ZNF518A: variants seen among roughly 807,000 people sequenced by gnomAD.
ZNF518A encodes the protein zinc finger protein 518.
Under a neutral mutation model 102.7 loss-of-function variants are expected in ZNF518A, and 47 were observed. The observed-to-expected ratio is 0.46, with a 90% CI of 0.36 to 0.58. The LOEUF is 0.58. Among genes scored for constraint, ZNF518A ranks in the 20% least tolerant of loss-of-function variants. The pLI, the probability that ZNF518A is intolerant of heterozygous loss-of-function variation, is 0.00. For missense variants in ZNF518A, 1,793 were observed against 1,699.8 expected (o/e 1.05, Z -0.96); for synonymous variants, 652 against 594.6 (o/e 1.10, Z -1.40).
At chr10:96,178,326 G>A (rs1488108983) in intron 1 of ZNF518A, among the ~76,000 whole-genome samples, 2 of 152,030 alleles carry the variant, frequency 1.3e-5, no homozygotes, top group African/African-American at 4.8e-5. Context: ...TGAATACATG[G>A]AAATTAAACA....
rs1431799202 is a variant in ZNF518A at position 96,160,549 on chromosome 10, A to T, written c.4227A>T (p.Thr1409=). 5 of 1,612,100 alleles carry T rather than the reference A, an allele frequency of 3.1e-6. No individual in the cohort carries two copies. The highest frequency in any genetic ancestry group is 1.7e-6 in the Non-Finnish European group (2 of 1,179,278). Residue 1409 remains threonine (T), a synonymous_variant, in exon 6 of 6, where the codon ACA becomes ACT. Transcript: ENST00000316045. The part of the protein sequence containing the change: ...TYDDFSKRHK[T]FKPVSSVKER... ...ATGATTTTTCCAAGAGGCACAAAAC[A>T]TTTAAACCTGTTAGTTCTGTGAAAG...
At chr10:96,204,148 T>G (rs2133964116), downstream of ZNF518A, 1 of 1,568,510 alleles carries the variant, frequency 6.4e-7, no homozygotes, top group South Asian at 1.1e-5. Context: ...AGTTTGACTT[T>G]TTGTTTACAC....
rs1239288847 is a variant in ZNF518A at position 96,158,636 on chromosome 10, A to G, written c.2314A>G (p.Ser772Gly). The change falls in exon 6 of 6, where the codon AGC becomes GGC. Residue 772 changes from serine to glycine, a missense_variant. Ser to Gly is a moderately conservative substitution (Grantham distance 56, BLOSUM62 0). Around this residue, in one of 3 missense-constraint regions of ZNF518A, gnomAD observed 1,741 missense variants for 1,622.6 expected, o/e 1.07. Transcript: ENST00000316045. ...AATCACATCTGTTTTCTCTCTCCAG[A>G]GCCAACAGGCATCAGAATTTCTGCC... ...PRITSVFSLQ[S>G]QQASEFLPPE... 1.9e-6 allele frequency: 3 copies of G among 1,613,302 alleles called. No individual in the cohort carries two copies. The highest frequency in any genetic ancestry group is 1.3e-5 in the African/African-American group (1 of 74,902).
At chr10:96,165,457 AAACAAC>A (rs146886066), downstream of ZNF518A, among the ~76,000 whole-genome samples, 1 of 128,114 alleles carries the variant, frequency 7.8e-6, no homozygotes, top group Admixed American at 8.2e-5. Context: ...GCCTGCCAAA[AAACAAC>A]AACAACCAAA....
chr10:96,191,366 T>C (rs2133906328), intron 1 of ZNF518A, among the ~76,000 whole-genome samples: 1 of 151,168 alleles, frequency 6.6e-6, no homozygotes, highest in African/African-American at 2.4e-5. Context: ...TCAAAGAGGG[T>C]ATAATTATCT....
chr10:96,153,690 C>T (rs1365489074), intron 3 of ZNF518A, among the ~76,000 whole-genome samples: 2 of 152,046 alleles, frequency 1.3e-5, no homozygotes, highest in African/African-American at 2.4e-5. Context: ...TTTTGACTTA[C>T]AAAAATGTTC....
chr10:96,177,496 AAAT>A (rs782031215), intron 1 of ZNF518A, among the ~76,000 whole-genome samples: 37 of 152,212 alleles, frequency 2.4e-4, no homozygotes, highest in Non-Finnish European at 4.7e-4. Flanking sequence ...TTGAAAGCAA[AAAT>A]AATAACATAT....
Position 96,159,087 on chromosome 10 carries a change from T to C in ZNF518A, c.2765T>C (p.Leu922Ser). 2 of 1,612,234 alleles carry C rather than the reference T, an allele frequency of 1.2e-6. No homozygotes were observed. The highest frequency in any genetic ancestry group is 2.2e-5 in the South Asian group (2 of 90,648). Reference protein sequence around the residue: ...LGSFYMQSPLLNSEQKKTIIV... With the variant: ...LGSFYMQSPLSNSEQKKTIIV... ...TCTTTTTATATGCAGAGTCCACTTTTAAATTCAGAACAAAAAAAAACTATA... is the reference window on the plus strand; with the variant it reads ...TCTTTTTATATGCAGAGTCCACTTTCAAATTCAGAACAAAAAAAAACTATA... Residue 922 changes from leucine to serine, a missense_variant, in exon 6 of 6, where the codon TTA becomes TCA. Coordinates refer to ENST00000316045, the MANE Select transcript of ZNF518A (RefSeq NM_001330736.2).
intron 1 of ZNF518A, among the ~76,000 whole-genome samples, chr10:96,181,733 T>C (rs1306879239): frequency 1.3e-5 from 2 of 152,218 alleles, no homozygotes; most frequent in African/African-American, 4.8e-5. Context: ...CTGTTTTGGT[T>C]ACTGTAGCCT....
chr10:96,171,719 G>A (rs1339607791), intron 1 of ZNF518A, among the ~76,000 whole-genome samples: 1 of 152,002 alleles, frequency 6.6e-6, no homozygotes, highest in Non-Finnish European at 1.5e-5. Flanking sequence ...CACCATTAAG[G>A]GCAACATATG....
intron 1 of ZNF518A, among the ~76,000 whole-genome samples, chr10:96,202,142 G>T (rs1554896374): frequency 6.6e-6 from 1 of 152,144 alleles, no homozygotes; most frequent in African/African-American, 2.4e-5. Flanking sequence ...CAGACAGGAG[G>T]CAATGAAGGG....
At chr10:96,129,730 T>C (rs1260828609), upstream of ZNF518A, 1 of 152,268 alleles carries the variant, frequency 6.6e-6, no homozygotes, top group Admixed American at 6.5e-5. Flanking sequence ...CCATTCCCAG[T>C]CAGCAAGGGC....
chr10:96,146,788 T>C, intron 3 of ZNF518A, among the ~76,000 whole-genome samples: 1 of 152,238 alleles, frequency 6.6e-6, no homozygotes, highest in Admixed American at 6.5e-5. Flanking sequence ...TTCTGACTTT[T>C]GGTATTTTGG....
At chr10:96,181,481 C>T (rs1202086398) in intron 1 of ZNF518A, among the ~76,000 whole-genome samples, 1 of 151,770 alleles carries the variant, frequency 6.6e-6, no homozygotes, top group Non-Finnish European at 1.5e-5. Context: ...GGTTTTAGGT[C>T]TAACATGTAA....
intron 1 of ZNF518A, among the ~76,000 whole-genome samples, chr10:96,177,511 A>C (rs1248464825): frequency 1.3e-5 from 2 of 152,316 alleles, no homozygotes; most frequent in Admixed American, 1.3e-4. Context: ...ATAACATATT[A>C]TAGGATTTAT....
chr10:96,133,359 T>A (rs1041679102), intron 2 of ZNF518A, among the ~76,000 whole-genome samples: 4 of 152,148 alleles, frequency 2.6e-5, no homozygotes, highest in African/African-American at 7.2e-5. Flanking sequence ...TCATTATGAA[T>A]CAGGAAAGGG....
At chr10:96,198,297 A>G (rs1163651329) in intron 1 of ZNF518A, among the ~76,000 whole-genome samples, 3 of 152,200 alleles carry the variant, frequency 2.0e-5, no homozygotes, top group African/African-American at 7.2e-5. Flanking sequence ...TCCAAAACGC[A>G]TGTAAATTGA....
rs374466074 is a variant in ZNF518A, at chr10:96,160,247, C to T, written c.3925C>T (p.Arg1309Cys). 60 of 1,613,094 alleles carry T rather than the reference C, an allele frequency of 3.7e-5. No homozygotes were observed. In the South Asian group the frequency reaches 4.2e-4, roughly 11 times the overall value. ...CKEKAKPEDV[R>C]ETFGFSRPRL... ...AGAAAAGGCAAAACCTGAAGATGTC[C>T]GTGAAACATTTGGATTTAGCAGACC... Residue 1309 changes from arginine to cysteine, a missense_variant, in exon 6 of 6, where the codon CGT becomes TGT. Physicochemically the swap from Arg to Cys is radical, Grantham distance 180. Around this residue, in one of 3 missense-constraint regions of ZNF518A, gnomAD observed 1,741 missense variants for 1,622.6 expected, o/e 1.07. Coordinates refer to ENST00000316045, the MANE Select transcript of ZNF518A (RefSeq NM_001330736.2).
rs144826995 is a variant in ZNF518A at position 96,200,149 on chromosome 10, C to T, written n.36-3425C>T. 832 of 1,613,848 alleles carry T rather than the reference C, an allele frequency of 5.2e-4. 1 individual carries two copies. Among genetic ancestry groups the T allele is most frequent in the Non-Finnish European group, 6.4e-4 (755 of 1,179,978 alleles). ...CCAGCATACCATGGCTTGCAGAGAA[C>T]GCCAGCTTCCTGTGAAATGGAGGGC... is the stretch of plus-strand genomic sequence containing the variant. On this transcript the variant is annotated intron_variant and non_coding_transcript_variant, in intron 1 of 2. Transcript: ENST00000442635. This position sits in a 1 kb window ranked among gnomAD's most constrained non-coding sequence, Gnocchi z 4.3.
Sources: gnomAD v4.1 joint callset for allele counts (sites outside exome capture counted in the v4.1 genomes callset) on GRCh38, gnomAD v4.1.1 for gene constraint, gnomAD v4.1.1 regional missense constraint, Gnocchi (gnomAD v3.1) non-coding constraint, MANE v1.5 for transcripts, NCBI Gene and HGNC (gene_info 2026-07-23, HGNC 2026-07-21) for gene names.